The following ANKS1B variants were observed in gnomAD, a reference collection of about 807,000 sequenced individuals.
The protein encoded by ANKS1B is ankyrin repeat and sterile alpha motif domain containing 1B, also known as ankyrin repeat and sterile alpha motif domain-containing protein 1B.
In ANKS1B, 36 loss-of-function variants were observed where a neutral mutation model predicts 148.3. The observed-to-expected ratio is 0.24, with a 90% confidence interval of 0.19 to 0.32. The LOEUF is 0.32. ANKS1B is among the 10% of genes least tolerant of loss of function. The pLI is 1.00. For missense variants in ANKS1B, 1,157 were observed against 1,542.6 expected (o/e 0.75, Z 4.19); for synonymous variants, 542 against 560.8 (o/e 0.97, Z 0.47).
intron 12 of ANKS1B, among the ~76,000 whole-genome samples, chr12:99,370,370 T>C (rs544576885): frequency 7.2e-5 from 11 of 152,222 alleles, no homozygotes; most frequent in African/African-American, 2.6e-4. Context: ...TGATGATGGG[T>C]ACAGCACCAA....
At chr12:99,471,722 C>G (rs1011674384) in intron 10 of ANKS1B, among the ~76,000 whole-genome samples, 4 of 152,002 alleles carry the variant, frequency 2.6e-5, no homozygotes, top group Admixed American at 2.6e-4. Context: ...GTCTGCTACT[C>G]ATGGACCAAA....
At chr12:99,066,032 T>C (rs2044199955) in intron 16 of ANKS1B, among the ~76,000 whole-genome samples, 1 of 152,112 alleles carries the variant, frequency 6.6e-6, no homozygotes. Flanking sequence ...AGACAGTGGA[T>C]TGGCTGGGCA....
At chr12:99,421,240 C>A (rs2152712444) in intron 11 of ANKS1B, among the ~76,000 whole-genome samples, 1 of 152,170 alleles carries the variant, frequency 6.6e-6, no homozygotes, top group East Asian at 1.9e-4. Context: ...GCAGAATCAC[C>A]AAATTACATG....
intron 26 of ANKS1B, among the ~76,000 whole-genome samples, chr12:98,747,933 AC>A (rs1296108099): frequency 2.0e-5 from 3 of 152,204 alleles, no homozygotes; most frequent in African/African-American, 7.2e-5. Flanking sequence ...AATGGTGGTT[AC>A]CAGAGGCTGG....
intron 10 of ANKS1B, among the ~76,000 whole-genome samples, chr12:99,444,662 G>T (rs2095607225): frequency 6.6e-6 from 1 of 151,734 alleles, no homozygotes; most frequent in South Asian, 2.1e-4. Context: ...CAACAATTTG[G>T]CAAACTTCAA....
chr12:99,283,738 G>C (rs2078765410), intron 12 of ANKS1B, among the ~76,000 whole-genome samples: 1 of 152,156 alleles, frequency 6.6e-6, no homozygotes, highest in Non-Finnish European at 1.5e-5. Flanking sequence ...TTTGAAGAAA[G>C]TCTATGCTTT....
At chr12:99,852,578 G>GA (rs1165243462) in intron 1 of ANKS1B, among the ~76,000 whole-genome samples, 5 of 152,124 alleles carry the variant, frequency 3.3e-5, no homozygotes, top group Non-Finnish European at 4.4e-5. Context: ...AAAAACAGGA[G>GA]AAAAAATGGC....
At chr12:99,152,300 T>C (rs1443510997) in intron 15 of ANKS1B, among the ~76,000 whole-genome samples, 1 of 152,106 alleles carries the variant, frequency 6.6e-6, no homozygotes, top group East Asian at 1.9e-4. Context: ...CAATTCAAAG[T>C]TTTTTTAAAA....
At chr12:98,760,968 A>G (rs2098392544) in intron 25 of ANKS1B, among the ~76,000 whole-genome samples, 1 of 152,174 alleles carries the variant, frequency 6.6e-6, no homozygotes, top group Non-Finnish European at 1.5e-5. Context: ...ACTACACATG[A>G]TATTGCCTAC....
intron 25 of ANKS1B, among the ~76,000 whole-genome samples, chr12:98,761,704 C>T (rs2098409084): frequency 2.0e-5 from 3 of 152,206 alleles, no homozygotes; most frequent in Admixed American, 6.5e-5. Context: ...CATTTGTTCA[C>T]TTAGATATTT....
chr12:99,337,080 C>T (rs2089043046), intron 12 of ANKS1B, among the ~76,000 whole-genome samples: 1 of 151,978 alleles, frequency 6.6e-6, no homozygotes, highest in African/African-American at 2.4e-5. Context: ...TTTATTATAC[C>T]TTTGAATAAA....
intron 1 of ANKS1B, among the ~76,000 whole-genome samples, chr12:99,959,154 G>A (rs928293101): frequency 1.3e-5 from 2 of 149,696 alleles, no homozygotes; most frequent in Non-Finnish European, 3.0e-5. Flanking sequence ...TCTGCCTCCC[G>A]GGTTCAAGCG....
chr12:98,787,782 TGGTGGTGG>T (rs1344009841), intron 22 of ANKS1B, among the ~76,000 whole-genome samples: 7 of 151,806 alleles, frequency 4.6e-5, no homozygotes, highest in African/African-American at 1.7e-4. Flanking sequence ...TAGCCGGGCA[TGGTGGTGG>T]GAACCTGTAG....
At chr12:99,544,867 C>T (rs2097158589) in intron 9 of ANKS1B, among the ~76,000 whole-genome samples, 1 of 152,122 alleles carries the variant, frequency 6.6e-6, no homozygotes, top group Admixed American at 6.6e-5. Flanking sequence ...ATAAAACCCT[C>T]AGTGTTTTCT....
At chr12:99,808,781 G>C (rs964447076) in intron 3 of ANKS1B, among the ~76,000 whole-genome samples, 1 of 152,056 alleles carries the variant, frequency 6.6e-6, no homozygotes, top group Non-Finnish European at 1.5e-5. Context: ...TTTGAGAAAA[G>C]AGAAAGGCCA....
At chr12:99,244,750 G>A (rs2089978469) in intron 13 of ANKS1B, among the ~76,000 whole-genome samples, 1 of 152,202 alleles carries the variant, frequency 6.6e-6, no homozygotes, top group African/African-American at 2.4e-5. Context: ...ATGTGACAAA[G>A]TCTCTGCTCT....
At chr12:98,753,319 A>G (rs2098141025) in intron 25 of ANKS1B, among the ~76,000 whole-genome samples, 1 of 152,214 alleles carries the variant, frequency 6.6e-6, no homozygotes, top group Non-Finnish European at 1.5e-5. Context: ...GGTGGCCACC[A>G]CACCCTGAGG....
In ANKS1B at chr12:99,572,738, T is replaced by G. The variant is rs74240143; in HGVS notation, c.1273-68097A>C. Among the ~76,000 whole-genome samples, 734 of 152,136 alleles carry G rather than the reference T, an allele frequency of 4.8e-3. 32 individuals are homozygous for G. The South Asian group carries it at 0.065, about 14-fold the overall frequency. On this transcript the variant is annotated intron_variant, in intron 9 of 26. Transcript: ENST00000683438. Reference sequence around the variant, plus strand: ...AGGTAGTAAGCCTAAAAATCCAAGATAACTATAGAGATAAATAATTATTTT... The same window carrying G: ...AGGTAGTAAGCCTAAAAATCCAAGAGAACTATAGAGATAAATAATTATTTT...
intron 1 of ANKS1B, among the ~76,000 whole-genome samples, chr12:99,883,849 G>C (rs2092681345): frequency 6.6e-6 from 1 of 152,176 alleles, no homozygotes; most frequent in African/African-American, 2.4e-5. Context: ...CTGGGTGGCA[G>C]AGGTTGTAGT....
Sources: allele counts gnomAD v4.1 joint callset (sites outside exome capture counted in the v4.1 genomes callset), GRCh38; gene constraint gnomAD v4.1.1; transcripts MANE v1.5; gene names NCBI Gene and HGNC (gene_info 2026-07-23, HGNC 2026-07-21).